The following UBE2V2 variants were observed in gnomAD, a reference collection of about 807,000 sequenced individuals.
UBE2V2 encodes ubiquitin-conjugating enzyme E2 variant 2.
UBE2V2 carries 9 observed loss-of-function variants against 17.2 expected under a neutral mutation model. That is an observed-to-expected ratio of 0.52 (90% CI 0.32 to 0.91). The LOEUF (loss-of-function observed/expected upper bound fraction) is 0.91, where lower values mean the gene tolerates loss of function less well. Among genes scored for constraint, UBE2V2 ranks in the 40% least tolerant of loss-of-function variants. The pLI is 0.04. For synonymous variants in UBE2V2, 61 were observed against 57.5 expected (o/e 1.06, Z -0.28); for missense variants, 133 against 182.6 (o/e 0.73, Z 1.56).
intron 1 of UBE2V2, among the ~76,000 whole-genome samples, chr8:48,027,911 T>C (rs2091356131): frequency 6.6e-6 from 1 of 152,148 alleles, no homozygotes; most frequent in African/African-American, 2.4e-5. Context: ...TGGAGTGCAA[T>C]GGCGCGGTCT....
chr8:48,014,556 A>G (rs1486578138), intron 1 of UBE2V2, among the ~76,000 whole-genome samples: 1 of 150,976 alleles, frequency 6.6e-6, no homozygotes, highest in Admixed American at 6.6e-5. Flanking sequence ...GAGGCAGGAG[A>G]ATGGTGTGAA....
chr8:48,016,702 G>A (rs142823560), intron 1 of UBE2V2, among the ~76,000 whole-genome samples: 3,031 of 150,032 alleles, frequency 0.02, 235 homozygotes, highest in Admixed American at 0.14. Flanking sequence ...GGCTGCTCTC[G>A]AACTCCCAAC....
At chr8:48,002,765 A>G in the UBE2V2 span, among the ~76,000 whole-genome samples, 1 of 152,196 alleles carries the variant, frequency 6.6e-6, no homozygotes, top group Non-Finnish European at 1.5e-5. Context: ...ATCTATAGTT[A>G]ATAACAACGT....
chr8:48,049,276 T>C (rs1359055801), intron 2 of UBE2V2, among the ~76,000 whole-genome samples: 1 of 152,152 alleles, frequency 6.6e-6, no homozygotes, highest in African/African-American at 2.4e-5. Flanking sequence ...TAGTATAATA[T>C]GGGGTTTTCT....
At chr8:48,019,810 G>A (rs565073059) in intron 1 of UBE2V2, among the ~76,000 whole-genome samples, 6 of 149,702 alleles carry the variant, frequency 4.0e-5, no homozygotes, top group South Asian at 2.1e-4. Flanking sequence ...GCTAGACTCC[G>A]TTTCAAAAAA....
At chr8:48,016,639 T>C (rs1340885861) in intron 1 of UBE2V2, among the ~76,000 whole-genome samples, 3 of 151,766 alleles carry the variant, frequency 2.0e-5, no homozygotes, top group Admixed American at 2.0e-4. Context: ...CGCACCACCA[T>C]GCCTGGCTAA....
chr8:47,999,545 A>G, the UBE2V2 span, among the ~76,000 whole-genome samples: 1 of 151,730 alleles, frequency 6.6e-6, no homozygotes, highest in Non-Finnish European at 1.5e-5. Flanking sequence ...TATTTTTAGT[A>G]GAGACGGGGT....
At chr8:48,006,518 A>T (rs1043524295), upstream of UBE2V2, among the ~76,000 whole-genome samples, 4 of 152,126 alleles carry the variant, frequency 2.6e-5, no homozygotes, top group Admixed American at 2.6e-4. Context: ...ACCCCTGATG[A>T]ACATTGATGC....
chr8:48,052,865 A>G (rs2091548152), intron 3 of UBE2V2, among the ~76,000 whole-genome samples: 1 of 152,154 alleles, frequency 6.6e-6, no homozygotes, highest in Non-Finnish European at 1.5e-5. Flanking sequence ...CTTCCTCCCC[A>G]GTCTGGCTAA....
chr8:48,060,338 C>A (rs1042871092), intron 3 of UBE2V2, among the ~76,000 whole-genome samples: 1 of 151,838 alleles, frequency 6.6e-6, no homozygotes, highest in African/African-American at 2.4e-5. Flanking sequence ...GAGATAATTC[C>A]CCAGATTTTG....
At chr8:48,006,633 A>C (rs550596190), upstream of UBE2V2, among the ~76,000 whole-genome samples, 30 of 152,292 alleles carry the variant, frequency 2.0e-4, no homozygotes, top group Admixed American at 8.5e-4. Context: ...AGGCTGCTTC[A>C]ACATATGCAA....
intron 1 of UBE2V2, among the ~76,000 whole-genome samples, chr8:48,013,589 G>A (rs1423803984): frequency 1.3e-5 from 2 of 152,162 alleles, no homozygotes; most frequent in African/African-American, 2.4e-5. Context: ...GATTACAGGC[G>A]TGAGCCACCG....
At chr8:48,052,843 C>T (rs2091548016) in intron 3 of UBE2V2, among the ~76,000 whole-genome samples, 1 of 152,234 alleles carries the variant, frequency 6.6e-6, no homozygotes, top group Non-Finnish European at 1.5e-5. Flanking sequence ...CTTTGCACTT[C>T]TGTTCTTCCT....
intron 1 of UBE2V2, among the ~76,000 whole-genome samples, chr8:48,041,115 C>T (rs1197238266): frequency 2.7e-5 from 4 of 150,830 alleles, no homozygotes; most frequent in Non-Finnish European, 5.9e-5. Flanking sequence ...CTGCCCACCT[C>T]GGCCTCCCAA....
At chr8:48,020,792 C>T (rs762327883) in intron 1 of UBE2V2, among the ~76,000 whole-genome samples, 15 of 151,976 alleles carry the variant, frequency 9.9e-5, no homozygotes, top group Admixed American at 4.6e-4. Context: ...CTTGTAGATA[C>T]GGGGTCTTGC....
Position 48,052,623 on chromosome 8 carries a change from C to T in UBE2V2, c.291+2645C>T, listed in dbSNP as rs188810010. On this transcript the variant is annotated intron_variant, in intron 3 of 3. Coordinates refer to ENST00000523111, the MANE Select transcript of UBE2V2 (RefSeq NM_003350.3). ...TTTATTTCCTGGACTCTTGCAACAA[C>T]GTCTCTGATTCTACTTTTTAAAATC... 7.0e-4 allele frequency among the ~76,000 whole-genome samples: 106 copies of T among 152,328 alleles called. 1 individual carries two copies. The East Asian group carries it at 0.018, about 26-fold the overall frequency.
chr8:48,043,894 A>G (rs945678451), intron 2 of UBE2V2, among the ~76,000 whole-genome samples: 9 of 149,358 alleles, frequency 6.0e-5, no homozygotes, highest in African/African-American at 2.0e-4. Flanking sequence ...ATTTTTACTC[A>G]AAGTCTTTTA....
chr8:48,039,370 G>C (rs1205309256), intron 1 of UBE2V2, among the ~76,000 whole-genome samples: 12 of 152,166 alleles, frequency 7.9e-5, no homozygotes, highest in Admixed American at 7.9e-4. Flanking sequence ...AGAATTATCA[G>C]ACTTAGTATT....
In UBE2V2 at chr8:48,049,927, T is replaced by C. The variant is rs760438897; in HGVS notation, c.240T>C (p.Val80=). The C allele has an allele frequency of 6.3e-7, 1 of 1,584,702 alleles. No individual in the cohort carries two copies. Among genetic ancestry groups the C allele is most frequent in the Non-Finnish European group, 8.6e-7 (1 of 1,169,274 alleles). ...GPKYPEAPPS[V]RFVTKINMNG... Reference sequence around the variant, plus strand: ...AATACCCAGAAGCTCCTCCGTCAGTTAGATTTGTAACAAAAATTAATATGA... The same window carrying C: ...AATACCCAGAAGCTCCTCCGTCAGTCAGATTTGTAACAAAAATTAATATGA... Residue 80 remains valine, a synonymous_variant, in exon 3 of 4, where the codon GTT becomes GTC. Transcript: ENST00000523111.
Sources: gnomAD v4.1 joint callset for allele counts (sites outside exome capture counted in the v4.1 genomes callset) on GRCh38, gnomAD v4.1.1 for gene constraint, MANE v1.5 for transcripts, NCBI Gene and HGNC (gene_info 2026-07-23, HGNC 2026-07-21) for gene names.